CRAMP1: variants seen among roughly 807,000 people sequenced by gnomAD.
The protein encoded by CRAMP1 is cramped chromatin regulator 1.
Under a neutral mutation model 115.4 loss-of-function variants are expected in CRAMP1, and 50 were observed. The observed-to-expected ratio is 0.43, with a 90% confidence interval of 0.35 to 0.55. The LOEUF (loss-of-function observed/expected upper bound fraction) is 0.55, where lower values mean the gene tolerates loss of function less well. Ranked by LOEUF, CRAMP1 falls within the 20% of genes least tolerant of loss-of-function variation. The pLI is 0.01. For missense variants in CRAMP1, 1,679 were observed against 1,721.7 expected, an observed-to-expected ratio of 0.98 and a Z score of 0.44; for synonymous variants, 866 against 745.4, an observed-to-expected ratio of 1.16 and a Z score of -2.64.
At chr16:1,654,742 G>T (rs1596493293) in intron 8 of CRAMP1, among the ~76,000 whole-genome samples, 1 of 152,216 alleles carries the variant, frequency 6.6e-6, no homozygotes, top group Admixed American at 6.5e-5. Flanking sequence ...CATAGAAACG[G>T]AATCACACGC....
At chr16:1,639,813 G>T (rs970074979) in intron 5 of CRAMP1, among the ~76,000 whole-genome samples, 1 of 152,218 alleles carries the variant, frequency 6.6e-6, no homozygotes, top group African/African-American at 2.4e-5. Flanking sequence ...TTACTTAGGT[G>T]TGGAAAGTTG....
intron 11 of CRAMP1, among the ~76,000 whole-genome samples, chr16:1,661,215 G>C (rs930815389): frequency 6.6e-6 from 1 of 152,138 alleles, no homozygotes; most frequent in Admixed American, 6.5e-5. Flanking sequence ...CCAGCTACTC[G>C]GGAGGCTGAG....
intron 6 of CRAMP1, among the ~76,000 whole-genome samples, chr16:1,650,380 A>T (rs2036712681): frequency 6.6e-6 from 1 of 152,108 alleles, no homozygotes; most frequent in African/African-American, 2.4e-5. Flanking sequence ...CTCGCTTCAG[A>T]CTCTTGTTCA....
intron 2 of CRAMP1, among the ~76,000 whole-genome samples, chr16:1,616,345 C>A (rs2036419492): frequency 6.6e-6 from 1 of 152,156 alleles, no homozygotes; most frequent in Non-Finnish European, 1.5e-5. Flanking sequence ...CCCCCATGTC[C>A]CTGGCCTCCA....
chr16:1,670,531 C>G, intron 19 of CRAMP1, 133 bp from the exon 20 acceptor site: 1 of 919,914 alleles, frequency 1.1e-6, no homozygotes, highest in South Asian at 1.6e-5. Context: ...GGAAGCTCTT[C>G]GCACAAGTCT....
chr16:1,666,490 G>C lies in CRAMP1; in HGVS notation c.2926G>C (p.Glu976Gln). ...GAACCCCCTCCCTGCCTTGGACACCGAGGGCTTGTCTGGCATCTCTCCACT... is the reference window on the plus strand; with the variant it reads ...GAACCCCCTCCCTGCCTTGGACACCCAGGGCTTGTCTGGCATCTCTCCACT... ...SGNPLPALDT[E>Q]GLSGISPLSS... is the part of the protein sequence containing the mutation. Residue 976 changes from glutamate (E) to glutamine (Q), a missense_variant, in exon 16 of 21, where the codon GAG (glutamate) becomes CAG (glutamine). Glu to Gln is a conservative substitution (Grantham distance 29). Transcript: ENST00000397412. This position sits in a 1 kb window ranked among gnomAD's most constrained non-coding sequence, Gnocchi z 5.0. 6.2e-7 allele frequency: 1 copy of C among 1,613,884 alleles called. No individual in the cohort carries two copies. Among genetic ancestry groups the C allele is most frequent in the Non-Finnish European group, 8.5e-7 (1 of 1,179,836 alleles).
chr16:1,626,260 C>A, intron 3 of CRAMP1, 94 bp downstream of exon 3: 2 of 1,235,156 alleles, frequency 1.6e-6, no homozygotes, highest in Non-Finnish European at 2.2e-6. Context: ...CTGTTAGATT[C>A]TAGAACGCAG....
At chr16:1,673,723 G>GTGAT (rs1194115996) in intron 20 of CRAMP1, among the ~76,000 whole-genome samples, 158 bp from the exon 21 acceptor site, 1 of 152,182 alleles carries the variant, frequency 6.6e-6, no homozygotes, top group East Asian at 1.9e-4. Context: ...CAGACGACAG[G>GTGAT]TGATTGTGAT....
chr16:1,672,831 G>A lies in CRAMP1; in HGVS notation c.3646-1050G>A, dbSNP rs1036302237. On this transcript the variant is annotated intron_variant, in intron 20 of 20. Coordinates refer to ENST00000397412, the MANE Select transcript of CRAMP1 (RefSeq NM_020825.4). The surrounding 1 kb of genome is among the most constrained non-coding windows in gnomAD (Gnocchi z 4.9). The stretch of plus-strand genomic sequence containing the variant: ...AAGATCCCGGTGCCGAGGCCCTCCC[G>A]TCCTCCGTCTCCTCAGCTCTGTGCT... Among the ~76,000 whole-genome samples the A allele has an allele frequency of 5.3e-5, 8 of 152,214 alleles. No individual in the cohort carries two copies. Among genetic ancestry groups the A allele is most frequent in the Admixed American group, 2.6e-4 (4 of 15,288 alleles).
intron 10 of CRAMP1, among the ~76,000 whole-genome samples, chr16:1,658,449 G>A (rs186692073): frequency 6.6e-6 from 1 of 152,300 alleles, no homozygotes; most frequent in Non-Finnish European, 1.5e-5. Flanking sequence ...CTCCTGAGAG[G>A]GCAGGCAGCA....
intron 14 of CRAMP1, among the ~76,000 whole-genome samples, 159 bp downstream of exon 14, chr16:1,665,297 A>T (rs908287245): frequency 6.6e-6 from 1 of 152,172 alleles, no homozygotes; most frequent in Non-Finnish European, 1.5e-5. Context: ...GCTGGGCTGC[A>T]GGCTGCGGTG....
chr16:1,625,428 CATTG>C (rs2036500482), intron 2 of CRAMP1, among the ~76,000 whole-genome samples: 1 of 152,026 alleles, frequency 6.6e-6, no homozygotes, highest in Non-Finnish European at 1.5e-5. Flanking sequence ...TTTTGGTGGA[CATTG>C]ATTGAGGGTA....
chr16:1,670,365 G>T, intron 19 of CRAMP1: 2 of 369,224 alleles, frequency 5.4e-6, no homozygotes, highest in Non-Finnish European at 1.0e-5. Flanking sequence ...AGCATGATGG[G>T]GGTGGGGGAT....
chr16:1,614,817 C>G lies in CRAMP1; in HGVS notation c.178C>G (p.Pro60Ala), dbSNP rs776510604. Residue 60 changes from proline (P) to alanine (A), a missense_variant, in exon 2 of 21, where the codon CCC becomes GCC. Coordinates refer to ENST00000397412, the MANE Select transcript of CRAMP1 (RefSeq NM_020825.4). The surrounding 1 kb of genome is among the most constrained non-coding windows in gnomAD (Gnocchi z 4.4). ...CCCCCGGGCCGGCGCCGACGGCCCCCCCGCGCCCCCCGGCGCGCCGCAGGC... is the reference window on the plus strand; with the variant it reads ...CCCCCGGGCCGGCGCCGACGGCCCCGCCGCGCCCCCCGGCGCGCCGCAGGC... ...KTPRAGADGPPAPPGAPQAPS... is the reference protein window; with the variant it reads ...KTPRAGADGPAAPPGAPQAPS... 7.9e-7 allele frequency: 1 copy of G among 1,268,934 alleles called. No individual in the cohort carries two copies. Among genetic ancestry groups the G allele is most frequent in the Non-Finnish European group, 9.9e-7 (1 of 1,010,974 alleles). 78.6% of individuals were successfully genotyped at this position (1,268,934 alleles called of 1,614,324 possible). A position where few individuals can be genotyped will look rare whatever the true frequency, so the allele number is the denominator to read the frequency against.
intron 8 of CRAMP1, among the ~76,000 whole-genome samples, chr16:1,653,820 CAA>C (rs113112609): frequency 1.4e-4 from 8 of 58,164 alleles, no homozygotes; most frequent in South Asian, 5.7e-4. Flanking sequence ...GACTCTGTCT[CAA>C]AAAAAAAAAA....
Position 1,656,627 on chromosome 16 carries a change from C to T in CRAMP1, c.1870C>T (p.Leu624=). 6.3e-7 allele frequency: 1 copy of T among 1,577,414 alleles called. No homozygotes were observed. The highest frequency in any genetic ancestry group is 8.6e-7 in the Non-Finnish European group (1 of 1,162,696). The change falls in exon 10 of 21, where the codon CTG becomes TTG. Residue 624 remains leucine, a synonymous_variant. Transcript: ENST00000397412. The surrounding 1 kb of genome is among the most constrained non-coding windows in gnomAD (Gnocchi z 5.6). ...GPSPRPGPGL[L]LDVCTKDLAD... ...ATCCCCGAGGCCCGGCCCCGGGCTC[C>T]TGCTGGATGTTTGCACTAAAGACTT...
intron 3 of CRAMP1, among the ~76,000 whole-genome samples, chr16:1,629,239 G>A (rs966935747): frequency 3.3e-5 from 5 of 151,766 alleles, no homozygotes; most frequent in African/African-American, 9.7e-5. Flanking sequence ...TCTGTGCTTC[G>A]CAGTGTTCCC....
rs539521825 is a variant in CRAMP1, at chr16:1,652,824, A to G, written c.914-209A>G. Among the ~76,000 whole-genome samples the G allele has an allele frequency of 5.8e-3, 876 of 152,288 alleles. 3 individuals are homozygous for G. The highest frequency in any genetic ancestry group is 9.2e-3 in the Non-Finnish European group (624 of 68,016). Reference sequence around the variant, plus strand: ...GGAGGTTGTCAGGATCGAGTCTCCTATGGCCTCTCTGGACCAGTCTGTGGC... The same window carrying G: ...GGAGGTTGTCAGGATCGAGTCTCCTGTGGCCTCTCTGGACCAGTCTGTGGC... On this transcript the variant is annotated intron_variant, in intron 7 of 20. Transcript: ENST00000397412.
chr16:1,664,672 G>A (rs2036858821), intron 13 of CRAMP1, among the ~76,000 whole-genome samples: 2 of 151,980 alleles, frequency 1.3e-5, no homozygotes, highest in Admixed American at 1.3e-4. Flanking sequence ...CCAGCTACTC[G>A]GGAGGCTGAG....
Sources: allele counts gnomAD v4.1 joint callset (sites outside exome capture counted in the v4.1 genomes callset), GRCh38; gene constraint gnomAD v4.1.1; non-coding constraint Gnocchi (gnomAD v3.1); transcripts MANE v1.5; gene names NCBI Gene and HGNC (gene_info 2026-07-23, HGNC 2026-07-21).